SCARB1: variants seen among roughly 807,000 people sequenced by gnomAD.
SCARB1 encodes scavenger receptor class B member 1.
SCARB1 carries 30 observed loss-of-function variants against 57.2 expected under a neutral mutation model. That is an observed-to-expected ratio of 0.52 (90% CI 0.39 to 0.71). The LOEUF (loss-of-function observed/expected upper bound fraction) is 0.71, where lower values mean the gene tolerates loss of function less well. Among genes scored for constraint, SCARB1 ranks in the 30% least tolerant of loss-of-function variants. The pLI, the probability that SCARB1 is intolerant of heterozygous loss-of-function variation, is 0.00. For missense variants in SCARB1, 543 were observed against 671.2 expected (o/e 0.81, Z 2.11); for synonymous variants, 249 against 268.3 (o/e 0.93, Z 0.70).
intron 9 of SCARB1, among the ~76,000 whole-genome samples, chr12:124,788,109 C>G (rs1378849218): frequency 6.6e-6 from 1 of 152,022 alleles, no homozygotes; most frequent in East Asian, 1.9e-4. Flanking sequence ...TGGAATATAC[C>G]CCCAGGGATA....
At chr12:124,779,800 C>G (rs980958397) in intron 12 of SCARB1, among the ~76,000 whole-genome samples, 1 of 152,158 alleles carries the variant, frequency 6.6e-6, no homozygotes, top group African/African-American at 2.4e-5. Flanking sequence ...GCTTGCTTCA[C>G]CACGGGGTAG....
At chr12:124,841,154 G>A (rs1028038822) in intron 1 of SCARB1, among the ~76,000 whole-genome samples, 1 of 152,272 alleles carries the variant, frequency 6.6e-6, no homozygotes, top group East Asian at 1.9e-4. Flanking sequence ...GGCGGATCAC[G>A]AGGTCAGGAG....
At chr12:124,787,832 C>T (rs1394307437) in intron 9 of SCARB1, among the ~76,000 whole-genome samples, 2 of 152,070 alleles carry the variant, frequency 1.3e-5, no homozygotes, top group African/African-American at 4.8e-5. Context: ...TCTGCAATCT[C>T]AGTCATCCCT....
chr12:124,786,986 A>C (rs1330254744), intron 10 of SCARB1, among the ~76,000 whole-genome samples: 3 of 152,352 alleles, frequency 2.0e-5, no homozygotes, highest in East Asian at 3.9e-4. Flanking sequence ...AACAATAAAT[A>C]CAGTAAATAA....
chr12:124,837,564 A>G (rs754310465), intron 1 of SCARB1, among the ~76,000 whole-genome samples: 3 of 14,176 alleles, frequency 2.1e-4, no homozygotes, highest in African/African-American at 4.6e-4. Context: ...AAAAGAAAAG[A>G]AAAGAAAAGA....
intron 1 of SCARB1, among the ~76,000 whole-genome samples, chr12:124,849,894 T>A (rs56345834): frequency 0.085 from 10,111 of 118,516 alleles, 1,131 homozygotes; most frequent in African/African-American, 0.15. Flanking sequence ...AAGACCCCTG[T>A]CTCTACAAAA....
chr12:124,801,427 G>A (rs879640479), intron 7 of SCARB1, among the ~76,000 whole-genome samples: 3 of 152,128 alleles, frequency 2.0e-5, no homozygotes, highest in Non-Finnish European at 4.4e-5. Flanking sequence ...ACTTTAAAAT[G>A]GTTAATTTTA....
At chr12:124,842,252 A>T (rs901664356) in intron 1 of SCARB1, among the ~76,000 whole-genome samples, 16 of 152,214 alleles carry the variant, frequency 1.1e-4, no homozygotes. Context: ...TGGCCCAGGC[A>T]GTCACCTGTC....
At chr12:124,819,826 G>T (rs1320113476) in intron 1 of SCARB1, among the ~76,000 whole-genome samples, 1 of 152,266 alleles carries the variant, frequency 6.6e-6, no homozygotes, top group Non-Finnish European at 1.5e-5. Context: ...GAGGCAGCCA[G>T]ACCCTGGGTC....
chr12:124,836,536 T>C (rs1335519283), intron 1 of SCARB1, among the ~76,000 whole-genome samples: 1 of 152,214 alleles, frequency 6.6e-6, no homozygotes, highest in Non-Finnish European at 1.5e-5. Flanking sequence ...CTCACACCTG[T>C]AATCCCAGCA....
rs112371713 is a variant in SCARB1 at position 124,811,615 on chromosome 12, C to T, written c.726+255G>A. Among the ~76,000 whole-genome samples the T allele has an allele frequency of 0.022, 3,372 of 152,222 alleles. 133 individuals carry two copies. Among genetic ancestry groups the T allele is most frequent in the African/African-American group, 0.078 (3,221 of 41,506 alleles). ...AAGTAAAGAATCGAAAGGAAGAAAG[C>T]ACTCAGTTCCCAGCAGATGCCAGGT... On this transcript the variant is annotated intron_variant, in intron 5 of 12. Coordinates refer to ENST00000261693, the MANE Select transcript of SCARB1 (RefSeq NM_005505.5).
intron 1 of SCARB1, among the ~76,000 whole-genome samples, chr12:124,844,603 A>T (rs1325861004): frequency 6.6e-6 from 1 of 151,850 alleles, no homozygotes; most frequent in Non-Finnish European, 1.5e-5. Context: ...AATCTGACTG[A>T]CGCCCTTAAA....
chr12:124,804,348 A>T (rs1950251830), intron 7 of SCARB1, among the ~76,000 whole-genome samples: 1 of 152,224 alleles, frequency 6.6e-6, no homozygotes, highest in African/African-American at 2.4e-5. Context: ...TTGGCAGCAA[A>T]GCCAGTCCAG....
Position 124,795,181 on chromosome 12 carries a change from C to T in SCARB1, c.1202+14G>A. 1 of 1,609,054 alleles carries T rather than the reference C, an allele frequency of 6.2e-7. No individual in the cohort carries two copies. Among genetic ancestry groups the T allele is most frequent in the Non-Finnish European group, 8.5e-7 (1 of 1,175,520 alleles). On this transcript the variant is annotated intron_variant, in intron 9 of 12. Transcript: ENST00000261693. ...CAATGAGCAATGCAGCCCCAGCTCC[C>T]AGTCCCCACTCACCCAATGCCTGCG...
chr12:124,808,666 G>A (rs967460180), intron 6 of SCARB1, among the ~76,000 whole-genome samples: 9 of 152,148 alleles, frequency 5.9e-5, no homozygotes, highest in Admixed American at 1.3e-4. Flanking sequence ...TCATGCTCCT[G>A]TACTTTCTCA....
intron 1 of SCARB1, among the ~76,000 whole-genome samples, chr12:124,837,514 GA>G (rs1268094857): frequency 0.027 from 2,935 of 110,268 alleles, 202 homozygotes; most frequent in East Asian, 0.096. Context: ...GGAGAAAAAA[GA>G]AAAGAAAGGA....
At chr12:124,779,030 G>A (rs145631376) in intron 12 of SCARB1, among the ~76,000 whole-genome samples, 6 of 152,188 alleles carry the variant, frequency 3.9e-5, no homozygotes, top group East Asian at 1.9e-4. Context: ...GGCTCACCAC[G>A]GCCTTGAACT....
intron 1 of SCARB1, among the ~76,000 whole-genome samples, chr12:124,825,534 G>A (rs1405058711): frequency 2.0e-5 from 3 of 151,868 alleles, no homozygotes; most frequent in Admixed American, 6.6e-5. Flanking sequence ...ACCCAAGCAC[G>A]GTGACATGCA....
Position 124,841,904 on chromosome 12 carries a change from G to A in SCARB1, c.126+21691C>T, listed in dbSNP as rs115212789. 7.2e-5 allele frequency among the ~76,000 whole-genome samples: 11 copies of A among 152,290 alleles called. No individual in the cohort carries two copies. In the East Asian group the frequency reaches 1.2e-3, roughly 16 times the overall value. The stretch of plus-strand genomic sequence containing the variant: ...TCCCTCCTGCTAAAGCGTAGCTGCC[G>A]TGAGCAGGACCAGGTCTCTTTTGTC... On this transcript the variant is annotated intron_variant, in intron 1 of 12. Coordinates refer to ENST00000261693, the MANE Select transcript of SCARB1 (RefSeq NM_005505.5).
Sources: gnomAD v4.1 joint callset for allele counts (sites outside exome capture counted in the v4.1 genomes callset) on GRCh38, gnomAD v4.1.1 for gene constraint, MANE v1.5 for transcripts, NCBI Gene and HGNC (gene_info 2026-07-23, HGNC 2026-07-21) for gene names.